KLHL13: variants seen among roughly 807,000 people sequenced by gnomAD.
KLHL13 encodes kelch-like protein 13.
In KLHL13, 10 loss-of-function variants were observed where a neutral mutation model predicts 37.1. The ratio of observed to expected loss-of-function variants is 0.27; its 90% CI spans 0.17 to 0.46. The LOEUF is 0.46. Among genes scored for constraint, KLHL13 ranks in the 20% least tolerant of loss-of-function variants. The probability of loss-of-function intolerance (pLI) is 1.00; values close to 1 mark genes in which losing one functional copy is unlikely to be tolerated. For synonymous variants in KLHL13, 163 were observed against 181.2 expected (o/e 0.90, Z 0.81); for missense variants, 360 against 509.3 (o/e 0.71, Z 2.82).
At chrX:118,035,919 A>G (rs1449409795) in intron 1 of KLHL13, among the ~76,000 whole-genome samples, 4 of 101,014 alleles carry the variant, frequency 4.0e-5, no homozygotes, top group African/African-American at 1.6e-4. Context: ...ATCAATGTGC[A>G]AAAATCACAA....
At chrX:117,959,840 G>A (rs1295981570) in intron 1 of KLHL13, among the ~76,000 whole-genome samples, 2 of 111,815 alleles carry the variant, frequency 1.8e-5, no homozygotes, top group East Asian at 5.6e-4. Context: ...AGGGCAACTT[G>A]TAAATGATTA....
At chrX:117,903,204 GACT>G (rs992145314) in intron 5 of KLHL13, among the ~76,000 whole-genome samples, 14 of 105,843 alleles carry the variant, frequency 1.3e-4, no homozygotes, top group Non-Finnish European at 2.3e-4. Context: ...GAGAGAGAGA[GACT>G]ACTTTTCCGC....
At chrX:117,910,336 T>C (rs987711439) in intron 4 of KLHL13, among the ~76,000 whole-genome samples, 2 of 111,556 alleles carry the variant, frequency 1.8e-5, no homozygotes, top group Admixed American at 9.5e-5. Context: ...AGTTAGAAGC[T>C]ACTCTAAGAA....
chrX:118,114,881 C>G (rs1261873321), intron 1 of KLHL13, among the ~76,000 whole-genome samples: 1 of 112,356 alleles, frequency 8.9e-6, no homozygotes, highest in Non-Finnish European at 1.9e-5. Flanking sequence ...ATAATTGAAG[C>G]TCTTATTTAT....
chrX:117,963,798 T>C (rs1456270942), intron 1 of KLHL13, among the ~76,000 whole-genome samples: 1 of 105,081 alleles, frequency 9.5e-6, no homozygotes, highest in East Asian at 3.0e-4. Context: ...TGGTTTTGAT[T>C]TGCATTTCTC....
upstream of KLHL13, among the ~76,000 whole-genome samples, chrX:117,974,753 GAGAA>G (rs1333027087): frequency 9.0e-6 from 1 of 111,413 alleles, no homozygotes; most frequent in African/African-American, 3.3e-5. Context: ...TATATGGAAA[GAGAA>G]AGCTTATTTT....
chrX:118,084,463 T>G (rs747557399), intron 1 of KLHL13, among the ~76,000 whole-genome samples: 1 of 111,988 alleles, frequency 8.9e-6, no homozygotes, highest in East Asian at 2.8e-4. Context: ...TCAAAAGATT[T>G]TAAGAAAGGT....
At chrX:118,098,746 T>C (rs1164355342) in intron 1 of KLHL13, among the ~76,000 whole-genome samples, 1 of 105,763 alleles carries the variant, frequency 9.5e-6, no homozygotes, top group Non-Finnish European at 1.9e-5. Context: ...TATGCAGCCA[T>C]AAAAAATGAT....
At chrX:118,032,982 AG>A (rs2054378391) in intron 1 of KLHL13, among the ~76,000 whole-genome samples, 1 of 111,749 alleles carries the variant, frequency 8.9e-6, no homozygotes, top group South Asian at 3.8e-4. Flanking sequence ...AATGGAAGAA[AG>A]GGTATCAGCG....
chrX:118,076,079 T>C (rs1481553076), intron 1 of KLHL13, among the ~76,000 whole-genome samples: 6 of 111,762 alleles, frequency 5.4e-5, no homozygotes, highest in African/African-American at 1.9e-4. Flanking sequence ...ACTAGAAATT[T>C]CAGCATTAGT....
chrX:117,936,369 T>G (rs1932762205), intron 2 of KLHL13, among the ~76,000 whole-genome samples: 3 of 111,777 alleles, frequency 2.7e-5, no homozygotes, highest in Admixed American at 9.5e-5. Context: ...TTTGACAGCC[T>G]AGTTTGCTGA....
Position 118,002,596 on chromosome X carries a change from AAAT to A in KLHL13, c.-55-57024_-55-57022del, listed in dbSNP as rs2053936724. On this transcript the variant is annotated intron_variant, in intron 1 of 6. Transcript: ENST00000371882. ...CAACAAGAGTGAAACTCTGTCTCGA[AAAT>A]AAATAAATAAATAAATAAATAAATA... Among the ~76,000 whole-genome samples, 74 of 43,134 alleles carry A rather than the reference AAAT, an allele frequency of 1.7e-3. 1 individual carries two copies. Among genetic ancestry groups the A allele is most frequent in the African/African-American group, 0.01 (68 of 6,509 alleles). 37.5% of individuals were successfully genotyped at this position (43,134 alleles called of 115,157 possible).
At chrX:118,023,357 C>CT (rs904593615) in intron 1 of KLHL13, among the ~76,000 whole-genome samples, 8 of 106,650 alleles carry the variant, frequency 7.5e-5, no homozygotes, top group Non-Finnish European at 1.2e-4. Context: ...TGTCACTAAT[C>CT]TTTTTTTTTT....
At chrX:118,103,540 T>C (rs757329184) in intron 1 of KLHL13, among the ~76,000 whole-genome samples, 4 of 111,853 alleles carry the variant, frequency 3.6e-5, no homozygotes, top group Admixed American at 1.9e-4. Flanking sequence ...AAATTAAAAG[T>C]AAGAAAAATT....
chrX:117,977,943 A>T (rs949327895), upstream of KLHL13, among the ~76,000 whole-genome samples: 2 of 112,330 alleles, frequency 1.8e-5, no homozygotes, highest in Non-Finnish European at 1.9e-5. Context: ...ATGACTATAT[A>T]TTCGTGCATG....
chrX:117,970,133 T>C (rs750790651), intron 1 of KLHL13, among the ~76,000 whole-genome samples: 26 of 111,567 alleles, frequency 2.3e-4, no homozygotes, highest in Non-Finnish European at 4.3e-4. Flanking sequence ...ACATGCTCAA[T>C]CACTATAACA....
At chrX:117,976,478 A>G (rs947366343), upstream of KLHL13, among the ~76,000 whole-genome samples, 9 of 112,287 alleles carry the variant, frequency 8.0e-5, no homozygotes, top group African/African-American at 2.9e-4. Flanking sequence ...GAATCCAGTC[A>G]TAACTATGGA....
chrX:118,104,907 T>A (rs925670346), intron 1 of KLHL13, among the ~76,000 whole-genome samples: 3 of 112,744 alleles, frequency 2.7e-5, no homozygotes, highest in Admixed American at 9.4e-5. Context: ...GTGAATTATA[T>A]CTTAATAAAG....
At chrX:118,071,274 T>C (rs1043549266) in intron 1 of KLHL13, among the ~76,000 whole-genome samples, 1 of 111,679 alleles carries the variant, frequency 9.0e-6, no homozygotes, top group African/African-American at 3.3e-5. Context: ...ATATACCCAG[T>C]AATGGGATGG....
Sources: gnomAD v4.1 joint callset for allele counts (sites outside exome capture counted in the v4.1 genomes callset) on GRCh38, gnomAD v4.1.1 for gene constraint, MANE v1.5 for transcripts, NCBI Gene and HGNC (gene_info 2026-07-23, HGNC 2026-07-21) for gene names.